The following MZF1 variants were observed in gnomAD, a reference collection of about 807,000 sequenced individuals.
MZF1 encodes the protein zinc finger and SCAN domain-containing protein 6.
In MZF1, 24 loss-of-function variants were observed where a neutral mutation model predicts 28.6. The ratio of observed to expected loss-of-function variants is 0.84; its 90% CI spans 0.61 to 1.18. The LOEUF (loss-of-function observed/expected upper bound fraction) is 1.18, where lower values mean the gene tolerates loss of function less well. MZF1 is among the 50% of genes most tolerant of loss of function. The pLI, the probability that MZF1 is intolerant of heterozygous loss-of-function variation, is 0.00. For missense variants in MZF1, 1,166 were observed against 1,026.4 expected (o/e 1.14, Z -1.86); for synonymous variants, 516 against 432.5 (o/e 1.19, Z -2.40).
intron 5 of MZF1, among the ~76,000 whole-genome samples, chr19:58,566,945 C>T (rs1467668575): frequency 1.3e-5 from 2 of 151,886 alleles, no homozygotes; most frequent in South Asian, 2.1e-4. Context: ...CCCCATTGCC[C>T]AGACTGGTGT....
rs780539853 is a variant in MZF1, at chr19:58,569,496, T to C, written c.651+20A>G. ...AACTTCCAGGGAAAGGAGGAGAACATGGACCTGGGCAGGACTTACCTGGGC... is the reference window on the plus strand; with the variant it reads ...AACTTCCAGGGAAAGGAGGAGAACACGGACCTGGGCAGGACTTACCTGGGC... On this transcript the variant is annotated intron_variant, in intron 4 of 5. Transcript: ENST00000215057. The C allele has an allele frequency of 6.8e-6, 11 of 1,612,982 alleles. No homozygotes were observed. The highest frequency in any genetic ancestry group is 9.3e-6 in the Non-Finnish European group (11 of 1,179,338).
rs1055653352 is a variant in MZF1 at position 58,563,063 on chromosome 19, G to T, written c.1214C>A (p.Thr405Lys). The T allele has an allele frequency of 1.9e-6, 3 of 1,603,056 alleles. No individual in the cohort carries two copies. Among genetic ancestry groups the T allele is most frequent in the Non-Finnish European group, 2.5e-6 (3 of 1,179,412 alleles). Reference protein sequence around the residue: ...RSSHLLRHQLTHTEERPFVCG... With the variant: ...RSSHLLRHQLKHTEERPFVCG... ...CACGAACGGCCGCTCCTCGGTGTGC[G>T]TAAGCTGGTGGCGCAGCAGGTGCGA... is the stretch of plus-strand genomic sequence containing the variant. The change falls in exon 6 of 6, where the codon ACG becomes AAG. Residue 405 changes from threonine (T) to lysine (K), a missense_variant. Transcript: ENST00000215057.
In MZF1 at chr19:58,564,900, G is replaced by GTTTTT. The variant is rs1253286923; in HGVS notation, c.773-1397_773-1396insAAAAA. 1.1e-3 allele frequency among the ~76,000 whole-genome samples: 74 copies of GTTTTT among 69,378 alleles called. 8 individuals carry two copies. The highest frequency in any genetic ancestry group is 0.011 in the Middle Eastern group (1 of 94). 45.5% of individuals were successfully genotyped at this position (69,378 alleles called of 152,430 possible). On this transcript the variant is annotated intron_variant, in intron 5 of 5. Transcript: ENST00000215057. ...GGGTGGAGAATAAGCATCCATGTGT[G>GTTTTT]TGTTTTTTTTTTTTTTTTTTTTTTT...
At position 58,566,492 on chromosome 19, in the gene MZF1, T is replaced by C. The variant is rs571513791; in HGVS notation, c.772+2785A>G. ...ATGAACATGTGTCTGGGAATGTCTT[T>C]GCTTCTGTATGTACAGAATCTTTTT... On this transcript the variant is annotated intron_variant, in intron 5 of 5. Coordinates refer to ENST00000215057, the MANE Select transcript of MZF1 (RefSeq NM_198055.2). 2.0e-5 allele frequency among the ~76,000 whole-genome samples: 3 copies of C among 152,266 alleles called. No individual in the cohort carries two copies. In the East Asian group the frequency reaches 5.8e-4, roughly 29 times the overall value.
At position 58,561,947 on chromosome 19, in the gene MZF1, T is replaced by C. The variant is rs1259125798; in HGVS notation, c.*125A>G. The C allele has an allele frequency of 4.1e-6, 4 of 984,682 alleles. No individual in the cohort carries two copies. Among genetic ancestry groups the C allele is most frequent in the African/African-American group, 1.6e-5 (1 of 61,378 alleles). 61.0% of individuals were successfully genotyped at this position (984,682 alleles called of 1,614,324 possible). ...GGAGACCCAGTTTCCATCTACTGTTTATTGGACACCTACAGTAGCCAAGCC... is the reference window on the plus strand; with the variant it reads ...GGAGACCCAGTTTCCATCTACTGTTCATTGGACACCTACAGTAGCCAAGCC... On this transcript the variant is annotated 3_prime_UTR_variant, in exon 6 of 6. Coordinates refer to ENST00000215057, the MANE Select transcript of MZF1 (RefSeq NM_198055.2).
chr19:58,562,843 C>T lies in MZF1; in HGVS notation c.1434G>A (p.Ala478=). 2.6e-6 allele frequency: 4 copies of T among 1,537,674 alleles called. No homozygotes were observed. The highest frequency in any genetic ancestry group is 1.2e-5 in the South Asian group (1 of 84,936). Residue 478 remains alanine, a synonymous_variant, in exon 6 of 6, where the codon GCG becomes GCA. Transcript: ENST00000215057. Reference sequence around the variant, plus strand: ...ACGGAAAGGGGCCGGGAGGCTCGGGCGCACCAGGAGGGGCCGGGGGCTTAG... The same window carrying T: ...ACGGAAAGGGGCCGGGAGGCTCGGGTGCACCAGGAGGGGCCGGGGGCTTAG... ...PGAKPPAPPG[A]PEPPGPFPCS... is the part of the protein sequence containing the mutation.
chr19:58,572,866 A>G (rs937069121), intron 1 of MZF1, 189 bp downstream of exon 1: 11 of 311,858 alleles, frequency 3.5e-5, no homozygotes, highest in Admixed American at 2.1e-4. Context: ...CGGGGCTCCC[A>G]AAGCCTGTCG....
chr19:58,562,782 C>G lies in MZF1; in HGVS notation c.1495G>C (p.Val499Leu), dbSNP rs576518777. 2 of 1,534,450 alleles carry G rather than the reference C, an allele frequency of 1.3e-6. No individual in the cohort carries two copies. The highest frequency in any genetic ancestry group is 2.0e-5 in the Admixed American group (1 of 50,976). Residue 499 changes from valine (V) to leucine (L), a missense_variant, in exon 6 of 6, where the codon GTG becomes CTG. Coordinates refer to ENST00000215057, the MANE Select transcript of MZF1 (RefSeq NM_198055.2). ...ECRESFARRA[V>L]LLEHQAVHTG... ...TGTACCGCCTGGTGCTCCAGCAGCA[C>G]GGCGCGCCGCGCGAAGCTCTCGCGG...
At position 58,562,331 on chromosome 19, in the gene MZF1, C is replaced by T. The variant is rs757179039; in HGVS notation, c.1946G>A (p.Gly649Asp). Residue 649 changes from glycine to aspartate, a missense_variant, in exon 6 of 6, where the codon GGC becomes GAC. Transcript: ENST00000215057. ...RLTEHQRIHT[G>D]ERPFACPECG... ...CTCGGGGCAGGCGAAGGGCCGTTCG[C>T]CCGTGTGGATGCGCTGGTGCTCGGT... 2.5e-6 allele frequency: 4 copies of T among 1,609,686 alleles called. No individual in the cohort carries two copies. The highest frequency in any genetic ancestry group is 1.7e-5 in the Admixed American group (1 of 59,486).
rs200689045 is a variant in MZF1 at position 58,562,639 on chromosome 19, G to T, written c.1638C>A (p.Cys546Ter). The T allele has an allele frequency of 6.4e-7, 1 of 1,556,974 alleles. No individual in the cohort carries two copies. The highest frequency in any genetic ancestry group is 1.4e-5 in the African/African-American group (1 of 73,944). Residue 546 changes from cysteine (C) to a stop codon, truncating the protein, a stop_gained, in exon 6 of 6, where the codon TGC becomes TGA. Coordinates refer to ENST00000215057, the MANE Select transcript of MZF1 (RefSeq NM_198055.2). LOFTEE classifies it low-confidence loss of function (END_TRUNC). ...SGERPFACAE[C>*]GQSFRQRSNL... ...TGGAGCGCTGCCGGAAGCTCTGGCC[G>T]CACTCGGCACAGGCGAAGGGCCGCT... is the stretch of plus-strand genomic sequence containing the variant.
rs1378272735 is a variant in MZF1, at chr19:58,562,049, GAC to G, written c.*21_*22del. The G allele has an allele frequency of 6.5e-7, 1 of 1,544,980 alleles. No homozygotes were observed. The highest frequency in any genetic ancestry group is 1.4e-5 in the African/African-American group (1 of 73,112). ...GGAGGTAGGTGTTCTGACCATGGCG[GAC>G]ACAGTGCGTCCCGGCTGGAGCTACT... On this transcript the variant is annotated 3_prime_UTR_variant, in exon 6 of 6. Coordinates refer to ENST00000215057, the MANE Select transcript of MZF1 (RefSeq NM_198055.2).
At position 58,565,164 on chromosome 19, in the gene MZF1, G is replaced by GCTCAC. The variant is rs534588131; in HGVS notation, c.773-1665_773-1661dup. Among the ~76,000 whole-genome samples the GCTCAC allele has an allele frequency of 1.1e-4, 16 of 150,270 alleles. 1 individual carries two copies. In the South Asian group the frequency reaches 3.4e-3, roughly 32 times the overall value. On this transcript the variant is annotated intron_variant, in intron 5 of 5. Transcript: ENST00000215057. ...GTTGGAGTGCAATGGCGTGTTCTCTGCTCACTGCAAACCTCCATCTCCTGG... is the reference window on the plus strand; with the variant it reads ...GTTGGAGTGCAATGGCGTGTTCTCTGCTCACCTCACTGCAAACCTCCATCTCCTGG...
chr19:58,568,365 G>A (rs1437266953), intron 5 of MZF1: 2 of 152,094 alleles, frequency 1.3e-5, no homozygotes, highest in Non-Finnish European at 2.9e-5. Context: ...GGAGTGAAAA[G>A]ATAAGAACAT....
At chr19:58,565,675 GGC>G (rs973457861) in intron 5 of MZF1, among the ~76,000 whole-genome samples, 2 of 151,740 alleles carry the variant, frequency 1.3e-5, no homozygotes, top group Admixed American at 1.3e-4. Flanking sequence ...TGGGACTACA[GGC>G]GCCCGCCACC....
Position 58,570,479 on chromosome 19 carries a change from G to C in MZF1, c.445C>G (p.Pro149Ala), listed in dbSNP as rs1392667130. Residue 149 changes from proline to alanine, a missense_variant, in exon 3 of 6, where the codon CCC becomes GCC. Pro to Ala is a conservative substitution (Grantham distance 27). Coordinates refer to ENST00000215057, the MANE Select transcript of MZF1 (RefSeq NM_198055.2). ...GQEVLSEKME[P>A]SSFQPLPETE... is the part of the protein sequence containing the mutation. Reference sequence around the variant, plus strand: ...TCAGGTAGGGGCTGGAAACTGGAGGGCTCCATCTTCTCTGATAGGACCTCC... The same window carrying C: ...TCAGGTAGGGGCTGGAAACTGGAGGCCTCCATCTTCTCTGATAGGACCTCC... 9 of 1,613,848 alleles carry C rather than the reference G, an allele frequency of 5.6e-6. No homozygotes were observed. Among genetic ancestry groups the C allele is most frequent in the Middle Eastern group, 3.3e-4 (2 of 6,048 alleles).
intron 5 of MZF1, chr19:58,564,444 C>T (rs562064017): frequency 1.4e-4 from 21 of 152,320 alleles, no homozygotes; most frequent in African/African-American, 3.8e-4. Context: ...AGATCAATAA[C>T]CTCATAGACA....
At chr19:58,570,323 G>A (rs201589889) in intron 3 of MZF1, 21 bp downstream of exon 3, 10 of 1,584,028 alleles carry the variant, frequency 6.3e-6, no homozygotes, top group Middle Eastern at 3.4e-4. Context: ...CCTTAGGCGC[G>A]CCCACCGTGC....
Position 58,562,964 on chromosome 19 carries a change from T to C in MZF1, c.1313A>G (p.Gln438Arg), listed in dbSNP as rs1029640959. ...GCCGCACTCAGCGCAACGGAAAGGC[T>C]GTTCGCCCGTGTGCACTCTCCGATG... is the stretch of plus-strand genomic sequence containing the variant. ...EEHRRVHTGE[Q>R]PFRCAECGQS... The change falls in exon 6 of 6, where the codon CAG (glutamine) becomes CGG (arginine). Residue 438 changes from glutamine to arginine, a missense_variant. Gln to Arg is a conservative substitution (Grantham distance 43, BLOSUM62 1). Coordinates refer to ENST00000215057, the MANE Select transcript of MZF1 (RefSeq NM_198055.2). 4.4e-6 allele frequency: 7 copies of C among 1,600,788 alleles called. No individual in the cohort carries two copies. The highest frequency in any genetic ancestry group is 1.7e-4 in the Middle Eastern group (1 of 6,036).
chr19:58,564,898 GTGTGTTTTTTT>G lies in MZF1; in HGVS notation c.773-1405_773-1395del, dbSNP rs1453134246. 3.2e-3 allele frequency among the ~76,000 whole-genome samples: 291 copies of G among 91,940 alleles called. 19 individuals carry two copies. Among genetic ancestry groups the G allele is most frequent in the African/African-American group, 0.014 (267 of 18,940 alleles). The allele number at this position is 91,940 out of a possible 152,430, so 60.3% of individuals were successfully genotyped here. A position where few individuals can be genotyped will look rare whatever the true frequency, so the allele number is the denominator to read the frequency against. On this transcript the variant is annotated intron_variant, in intron 5 of 5. Coordinates refer to ENST00000215057, the MANE Select transcript of MZF1 (RefSeq NM_198055.2). ...CAGGGTGGAGAATAAGCATCCATGTGTGTGTTTTTTTTTTTTTTTTTTTTTTTTTTTTTTTT... is the reference window on the plus strand; with the variant it reads ...CAGGGTGGAGAATAAGCATCCATGTGTTTTTTTTTTTTTTTTTTTTTTTTT...
Sources: gnomAD v4.1 joint callset for allele counts (sites outside exome capture counted in the v4.1 genomes callset) on GRCh38, gnomAD v4.1.1 for gene constraint, MANE v1.5 for transcripts, NCBI Gene and HGNC (gene_info 2026-07-23, HGNC 2026-07-21) for gene names.